Variants in CACNB2 observed in about 807,000 individuals in gnomAD.
CACNB2 encodes voltage-dependent L-type calcium channel subunit beta-2.
Under a neutral mutation model 73.3 loss-of-function variants are expected in CACNB2, and 42 were observed. The observed-to-expected ratio is 0.57, with a 90% confidence interval of 0.45 to 0.74. The LOEUF (loss-of-function observed/expected upper bound fraction) is 0.74, where lower values mean the gene tolerates loss of function less well. Ranked by LOEUF, CACNB2 falls within the 30% of genes least tolerant of loss-of-function variation. The probability of loss-of-function intolerance (pLI) is 0.00; values close to 1 mark genes in which losing one functional copy is unlikely to be tolerated. For synonymous variants in CACNB2, 348 were observed against 310.3 expected (o/e 1.12, Z -1.28); for missense variants, 940 against 853.0 (o/e 1.10, Z -1.27).
chr10:18,382,368 C>CT (rs1564488900), intron 2 of CACNB2, among the ~76,000 whole-genome samples: 1 of 151,906 alleles, frequency 6.6e-6, no homozygotes, highest in Non-Finnish European at 1.5e-5. Flanking sequence ...CTCAGTGCCT[C>CT]TTTTTTTAAA....
At chr10:18,320,844 A>G (rs2040373234) in intron 2 of CACNB2, among the ~76,000 whole-genome samples, 1 of 152,210 alleles carries the variant, frequency 6.6e-6, no homozygotes, top group African/African-American at 2.4e-5. Context: ...TTTTTTGCAC[A>G]TTTTGGATGC....
intron 2 of CACNB2, among the ~76,000 whole-genome samples, chr10:18,212,033 G>A (rs769373468): frequency 6.6e-6 from 1 of 152,110 alleles, no homozygotes; most frequent in Non-Finnish European, 1.5e-5. Context: ...GTATCAACAG[G>A]CCCAAATCCT....
chr10:18,394,086 C>T lies in CACNB2; in HGVS notation c.214-7838C>T, dbSNP rs577710848. Among the ~76,000 whole-genome samples the T allele has an allele frequency of 2.6e-4, 39 of 152,170 alleles. No homozygotes were observed. The South Asian group carries it at 7.3e-3, about 28-fold the overall frequency. On this transcript the variant is annotated intron_variant, in intron 2 of 13. Transcript: ENST00000324631. Reference sequence around the variant, plus strand: ...CCTCCCGAGTAGCTGAGATTACAAGCGCCCACCACCATGCCTGGCTAATTT... The same window carrying T: ...CCTCCCGAGTAGCTGAGATTACAAGTGCCCACCACCATGCCTGGCTAATTT...
intron 2 of CACNB2, among the ~76,000 whole-genome samples, chr10:18,356,517 C>G (rs543872604): frequency 1.3e-5 from 2 of 152,300 alleles, no homozygotes; most frequent in African/African-American, 4.8e-5. Flanking sequence ...CTTTTCCTGA[C>G]TACATTGCAC....
At chr10:18,525,030 A>T (rs938856206) in intron 9 of CACNB2, among the ~76,000 whole-genome samples, 2 of 52,518 alleles carry the variant, frequency 3.8e-5, no homozygotes, top group East Asian at 4.0e-4. Flanking sequence ...GATGCTGTCT[A>T]AAAAAAAAAA....
intron 2 of CACNB2, among the ~76,000 whole-genome samples, chr10:18,324,229 A>G (rs144869809): frequency 1.3e-5 from 2 of 152,326 alleles, no homozygotes; most frequent in African/African-American, 4.8e-5. Flanking sequence ...ATTTGCATAC[A>G]TGGGGTGGCT....
intron 2 of CACNB2, among the ~76,000 whole-genome samples, chr10:18,203,974 A>G (rs569507359): frequency 3.0e-4 from 46 of 152,264 alleles, no homozygotes; most frequent in Middle Eastern, 3.4e-3. Flanking sequence ...TTGGATTTAT[A>G]AGCTTCAATA....
chr10:18,210,525 A>G (rs2035276228), intron 2 of CACNB2, among the ~76,000 whole-genome samples: 2 of 152,116 alleles, frequency 1.3e-5, no homozygotes, highest in South Asian at 4.2e-4. Context: ...TTAAGAACCC[A>G]GGGATTAGGG....
chr10:18,278,887 G>A (rs2038415461), intron 2 of CACNB2, among the ~76,000 whole-genome samples: 1 of 152,050 alleles, frequency 6.6e-6, no homozygotes, highest in Admixed American at 6.6e-5. Flanking sequence ...CTGGTGGCAT[G>A]TGCCTATAGT....
intron 2 of CACNB2, among the ~76,000 whole-genome samples, chr10:18,300,583 C>A (rs563383339): frequency 6.6e-6 from 1 of 152,304 alleles, no homozygotes; most frequent in Non-Finnish European, 1.5e-5. Flanking sequence ...GTTTGTTATG[C>A]CTTTTGGCAA....
In CACNB2 at chr10:18,498,360, G is replaced by A. The variant is rs748906162; in HGVS notation, c.339G>A (p.Lys113=). 13 of 1,613,992 alleles carry A rather than the reference G, an allele frequency of 8.1e-6. No homozygotes were observed. The East Asian group carries it at 2.5e-4, about 30-fold the overall frequency. ...AQAQLEKAKT[K]PVAFAVRTNV... is the part of the protein sequence containing the mutation. Reference sequence around the variant, plus strand: ...TCTTCCTTTTCCCACTTTAGACAAAGCCCGTTGCATTTGCGGTTCGGACAA... The same window carrying A: ...TCTTCCTTTTCCCACTTTAGACAAAACCCGTTGCATTTGCGGTTCGGACAA... Residue 113 remains lysine, a synonymous_variant, in exon 4 of 14, where the codon AAG becomes AAA. Coordinates refer to ENST00000324631, the MANE Select transcript of CACNB2 (RefSeq NM_201596.3).
chr10:18,249,983 G>A (rs1345913739), intron 2 of CACNB2, among the ~76,000 whole-genome samples: 1 of 152,056 alleles, frequency 6.6e-6, no homozygotes, highest in Admixed American at 6.6e-5. Flanking sequence ...CCCCCTTCCA[G>A]CTTCCAACTG....
intron 6 of CACNB2, chr10:18,513,552 C>A: frequency 2.5e-6 from 1 of 397,000 alleles, no homozygotes; most frequent in Non-Finnish European, 5.0e-6. Context: ...GTTCCTGGGC[C>A]AAATGCATTG....
At chr10:18,499,421 T>G (rs536115618) in intron 4 of CACNB2, among the ~76,000 whole-genome samples, 26 of 151,900 alleles carry the variant, frequency 1.7e-4, no homozygotes, top group Middle Eastern at 3.4e-3. Flanking sequence ...ATGAAGACCA[T>G]CCTGGCCAAC....
chr10:18,227,205 G>T (rs1034554099), intron 2 of CACNB2, among the ~76,000 whole-genome samples: 1 of 152,146 alleles, frequency 6.6e-6, no homozygotes, highest in South Asian at 2.1e-4. Context: ...GAGTGCATCA[G>T]ATCAAAGCAA....
At chr10:18,272,837 C>CT (rs1009088160) in intron 2 of CACNB2, among the ~76,000 whole-genome samples, 3 of 152,062 alleles carry the variant, frequency 2.0e-5, no homozygotes, top group Non-Finnish European at 4.4e-5. Flanking sequence ...TCAGGTATGT[C>CT]TTTTTTAGCA....
intron 9 of CACNB2, 113 bp downstream of exon 9, chr10:18,519,081 A>T: frequency 1.2e-6 from 1 of 855,836 alleles, no homozygotes; most frequent in Non-Finnish European, 2.0e-6. Flanking sequence ...CTATATGATG[A>T]CAGGAAACAA....
intron 3 of CACNB2, among the ~76,000 whole-genome samples, chr10:18,409,302 GAAA>G (rs11386791): frequency 1.5e-5 from 2 of 137,882 alleles, no homozygotes; most frequent in Non-Finnish European, 1.6e-5. Context: ...CTGTCTCCAG[GAAA>G]AAAAAAAAAA....
At chr10:18,346,371 C>A (rs1488508401) in intron 2 of CACNB2, among the ~76,000 whole-genome samples, 1 of 152,002 alleles carries the variant, frequency 6.6e-6, no homozygotes, top group Non-Finnish European at 1.5e-5. Flanking sequence ...AACTCCTGAC[C>A]TCGAGTTCCA....
Sources: gnomAD v4.1 joint callset for allele counts (sites outside exome capture counted in the v4.1 genomes callset) on GRCh38, gnomAD v4.1.1 for gene constraint, MANE v1.5 for transcripts, NCBI Gene and HGNC (gene_info 2026-07-23, HGNC 2026-07-21) for gene names.